Variants in MATN2 observed in about 807,000 individuals in gnomAD.
MATN2 encodes matrilin-2.
A neutral mutation model predicts 103.2 loss-of-function variants in MATN2; 69 were observed. The ratio of observed to expected loss-of-function variants is 0.67; its 90% confidence interval spans 0.55 to 0.82. The LOEUF is 0.82. MATN2 is among the 40% of genes least tolerant of loss of function. The pLI is 0.00. For synonymous variants in MATN2, 429 were observed against 450.2 expected (o/e 0.95, Z 0.60); for missense variants, 1,023 against 1,211.5 (o/e 0.84, Z 2.31).
chr8:97,893,974 C>G (rs1283126792), intron 2 of MATN2, among the ~76,000 whole-genome samples: 1 of 152,236 alleles, frequency 6.6e-6, no homozygotes, highest in East Asian at 1.9e-4. Flanking sequence ...CAAACTGGCT[C>G]ATTTTATTTC....
At chr8:97,990,053 G>A (rs778672237) in intron 6 of MATN2, among the ~76,000 whole-genome samples, 6 of 151,764 alleles carry the variant, frequency 4.0e-5, no homozygotes, top group Admixed American at 1.3e-4. Flanking sequence ...ATGGTGGCAG[G>A]TGCCTGTAAT....
rs376017866 is a variant in MATN2 at position 97,972,197 on chromosome 8, G to T, written c.959-6689G>T. On this transcript the variant is annotated intron_variant, in intron 5 of 18. Coordinates refer to ENST00000254898, the MANE Select transcript of MATN2 (RefSeq NM_002380.5). ...AAAAATATATAAAGAAATTAGCCAGGCATGGTGGCACGTGCATGTAGTCCC... is the reference window on the plus strand; with the variant it reads ...AAAAATATATAAAGAAATTAGCCAGTCATGGTGGCACGTGCATGTAGTCCC... 3.9e-5 allele frequency among the ~76,000 whole-genome samples: 6 copies of T among 151,988 alleles called. 1 individual carries two copies. The East Asian group carries it at 5.8e-4, about 15-fold the overall frequency.
chr8:97,894,122 A>C (rs950164047), intron 2 of MATN2, among the ~76,000 whole-genome samples: 3 of 152,116 alleles, frequency 2.0e-5, no homozygotes, highest in African/African-American at 7.2e-5. Context: ...AGTGGGAGAC[A>C]AAGATTTAAA....
intron 5 of MATN2, among the ~76,000 whole-genome samples, chr8:97,977,717 T>C (rs1811885973): frequency 6.6e-6 from 1 of 152,112 alleles, no homozygotes; most frequent in Non-Finnish European, 1.5e-5. Flanking sequence ...CATGGGTCCC[T>C]CCTGACTGCC....
At chr8:97,955,189 T>G (rs1811104657) in intron 4 of MATN2, among the ~76,000 whole-genome samples, 1 of 151,820 alleles carries the variant, frequency 6.6e-6, no homozygotes, top group Admixed American at 6.6e-5. Flanking sequence ...CACATTAGAG[T>G]TTTTGGACTC....
At chr8:97,950,603 C>G (rs1224609669) in intron 4 of MATN2, 1 of 152,140 alleles carries the variant, frequency 6.6e-6, no homozygotes, top group African/African-American at 2.4e-5. Flanking sequence ...ACACAGAGAG[C>G]AGAATATAAA....
rs567152605 is a variant in MATN2, at chr8:97,954,780, A to G, written c.836-6628A>G. ...GCAGATGCTAGATATTTGAACTAGC[A>G]TGCTGAGCAAGACAAGCACTGTGGC... On this transcript the variant is annotated intron_variant, in intron 4 of 18. Coordinates refer to ENST00000254898, the MANE Select transcript of MATN2 (RefSeq NM_002380.5). Among the ~76,000 whole-genome samples, 50 of 152,388 alleles carry G rather than the reference A, an allele frequency of 3.3e-4. No individual in the cohort carries two copies. In the South Asian group the frequency reaches 9.5e-3, roughly 29 times the overall value.
At chr8:98,027,898 C>T in intron 14 of MATN2, 69 bp downstream of exon 14, 1 of 1,467,840 alleles carries the variant, frequency 6.8e-7, no homozygotes, top group South Asian at 1.4e-5. Flanking sequence ...TCAGTGGTCT[C>T]AGCTGGCCAT....
chr8:98,029,746 T>C (rs1051044304), intron 14 of MATN2, among the ~76,000 whole-genome samples: 1 of 152,252 alleles, frequency 6.6e-6, no homozygotes, highest in Admixed American at 6.5e-5. Context: ...GAATAAGTTA[T>C]CAGTGCTGAA....
At chr8:98,000,120 A>G (rs1274279544) in intron 7 of MATN2, among the ~76,000 whole-genome samples, 1 of 151,384 alleles carries the variant, frequency 6.6e-6, no homozygotes, top group Non-Finnish European at 1.5e-5. Flanking sequence ...ACCTCAAGTG[A>G]TCCATCCGCC....
rs114517483 is a variant in MATN2, at chr8:98,032,919, G to T, written c.2582-123G>T. ...TGAAGATAACAGTCTTTTTGCTTCA[G>T]TATGTCCCAAAGTAAAGCTCTGTAC... On this transcript the variant is annotated intron_variant, in intron 16 of 18. Coordinates refer to ENST00000254898, the MANE Select transcript of MATN2 (RefSeq NM_002380.5). The T allele has an allele frequency of 5.2e-4, 409 of 781,650 alleles. 1 individual carries two copies. In the African/African-American group the frequency reaches 6.8e-3, roughly 13 times the overall value. 48.4% of individuals were successfully genotyped at this position (781,650 alleles called of 1,614,324 possible).
intron 5 of MATN2, among the ~76,000 whole-genome samples, chr8:97,972,344 AAAAAAAAAAAAG>A (rs1175106088): frequency 7.3e-5 from 11 of 151,016 alleles, no homozygotes; most frequent in Admixed American, 2.6e-4. Context: ...GTCTCAAAAA[AAAAAAAAAAAAG>A]AAAAGAAAAG....
At chr8:97,934,729 C>T (rs1446680751) in intron 3 of MATN2, among the ~76,000 whole-genome samples, 3 of 152,128 alleles carry the variant, frequency 2.0e-5, no homozygotes, top group Non-Finnish European at 2.9e-5. Context: ...TTACTGAATC[C>T]ACATGTTGCA....
intron 2 of MATN2, among the ~76,000 whole-genome samples, chr8:97,919,800 T>G (rs1357924835): frequency 2.6e-5 from 4 of 152,170 alleles, no homozygotes; most frequent in African/African-American, 4.8e-5. Flanking sequence ...AGATACTGCT[T>G]GTGGCCAGGT....
chr8:97,917,692 A>C (rs1809677689), intron 2 of MATN2, among the ~76,000 whole-genome samples: 1 of 152,220 alleles, frequency 6.6e-6, no homozygotes, highest in African/African-American at 2.4e-5. Context: ...AATCACCTCC[A>C]TCTGGGTGTA....
intron 1 of MATN2, 102 bp from the exon 2 acceptor site, chr8:97,887,973 G>A (rs1818495293): frequency 1.7e-6 from 2 of 1,153,232 alleles, no homozygotes; most frequent in Non-Finnish European, 1.2e-6. Context: ...CAAGTGGTCT[G>A]TTTGAACTCT....
At chr8:97,910,960 G>A (rs1408261321) in intron 2 of MATN2, among the ~76,000 whole-genome samples, 3 of 152,030 alleles carry the variant, frequency 2.0e-5, no homozygotes, top group African/African-American at 4.8e-5. Flanking sequence ...TAAAGGTCAA[G>A]GAACATCTCT....
intron 2 of MATN2, among the ~76,000 whole-genome samples, chr8:97,899,080 C>T (rs987786603): frequency 2.0e-5 from 3 of 152,008 alleles, no homozygotes; most frequent in Non-Finnish European, 2.9e-5. Context: ...TCTATAACCC[C>T]ACCCACCCTG....
intron 3 of MATN2, among the ~76,000 whole-genome samples, chr8:97,933,266 G>A (rs1360540930): frequency 1.3e-5 from 2 of 152,174 alleles, no homozygotes; most frequent in Non-Finnish European, 2.9e-5. Context: ...TAAGTCAGCT[G>A]GAACACTTCA....
Sources: allele counts gnomAD v4.1 joint callset (sites outside exome capture counted in the v4.1 genomes callset), GRCh38; gene constraint gnomAD v4.1.1; transcripts MANE v1.5; gene names NCBI Gene and HGNC (gene_info 2026-07-23, HGNC 2026-07-21).